PDCD11: variants seen among roughly 807,000 people sequenced by gnomAD.
PDCD11 encodes programmed cell death 11.
In PDCD11, 97 loss-of-function variants were observed where a neutral mutation model predicts 198.9. That is an observed-to-expected ratio of 0.49 (90% CI 0.41 to 0.58). PDCD11 has a LOEUF of 0.58. PDCD11 is among the 20% of genes least tolerant of loss of function. The pLI is 0.00. For synonymous variants in PDCD11, 893 were observed against 918.0 expected (o/e 0.97, Z 0.49); for missense variants, 2,102 against 2,312.7 (o/e 0.91, Z 1.87).
intron 2 of PDCD11, among the ~76,000 whole-genome samples, chr10:103,398,761 G>T (rs2093449902): frequency 6.6e-6 from 1 of 152,208 alleles, no homozygotes; most frequent in Non-Finnish European, 1.5e-5. Context: ...GCTCATGCCT[G>T]TAATCCCAGC....
At chr10:103,414,976 T>C (rs754088091) in intron 11 of PDCD11, 29 bp from the exon 12 acceptor site, 5 of 1,612,422 alleles carry the variant, frequency 3.1e-6, no homozygotes, top group Middle Eastern at 1.7e-4. Flanking sequence ...TCTTGAGACA[T>C]TGTGGCAGCT....
At chr10:103,423,495 C>T in intron 18 of PDCD11, 48 bp from the exon 19 acceptor site, 1 of 1,392,978 alleles carries the variant, frequency 7.2e-7, no homozygotes, top group Non-Finnish European at 1.0e-6. Context: ...GCTGCTCTCC[C>T]TTCACTCTGT....
Position 103,419,690 on chromosome 10 carries a change from C to A in PDCD11, c.2259C>A (p.Ser753Arg). 6.2e-7 allele frequency: 1 copy of A among 1,613,802 alleles called. No individual in the cohort carries two copies. The highest frequency in any genetic ancestry group is 8.5e-7 in the Non-Finnish European group (1 of 1,179,830). ...GVFIQFPSGL[S>R]GLAPKAIMSD... ...TCATCCAGTTCCCCTCAGGTCTTAGCGGACTGGCCCCAAAAGCTGTAAGTT... is the reference window on the plus strand; with the variant it reads ...TCATCCAGTTCCCCTCAGGTCTTAGAGGACTGGCCCCAAAAGCTGTAAGTT... The change falls in exon 16 of 36, where the codon AGC becomes AGA. Residue 753 changes from serine to arginine, a missense_variant. Physicochemically the swap from Ser to Arg is moderately radical, Grantham distance 110. Coordinates refer to ENST00000369797, the MANE Select transcript of PDCD11 (RefSeq NM_014976.2).
chr10:103,422,095 T>TTAC (rs1592129084), intron 17 of PDCD11, among the ~76,000 whole-genome samples: 1 of 144,822 alleles, frequency 6.9e-6, no homozygotes, highest in East Asian at 2.0e-4. Flanking sequence ...ATTATTATTA[T>TTAC]TATTGAGACC....
rs747417033 is a variant in PDCD11, at chr10:103,445,539, T to G, written c.5606T>G (p.Leu1869Arg). The change falls in exon 36 of 36, where the codon CTA becomes CGA. Residue 1869 changes from leucine to arginine, a missense_variant. Physicochemically the swap from Leu to Arg is moderately radical, Grantham distance 102. Transcript: ENST00000369797. Reference sequence around the variant, plus strand: ...TATGTGGAGGCCAAGAGCTCAGTGCTAGAGGACTAGTGGCAGGCTGGCTCT... The same window carrying G: ...TATGTGGAGGCCAAGAGCTCAGTGCGAGAGGACTAGTGGCAGGCTGGCTCT... ...LEYVEAKSSV[L>R]ED The G allele has an allele frequency of 6.2e-7, 1 of 1,613,384 alleles. No individual in the cohort carries two copies. The highest frequency in any genetic ancestry group is 8.5e-7 in the Non-Finnish European group (1 of 1,180,008).
chr10:103,434,402 T>C (rs1395535718), intron 24 of PDCD11, 52 bp downstream of exon 24: 1 of 1,172,002 alleles, frequency 8.5e-7, no homozygotes, highest in East Asian at 2.3e-5. Flanking sequence ...CAGGAAGGGG[T>C]GGGATGGGTT....
Position 103,443,184 on chromosome 10 carries a change from A to G in PDCD11, c.4975A>G (p.Asn1659Asp). The G allele has an allele frequency of 1.3e-6, 2 of 1,596,790 alleles. No individual in the cohort carries two copies. The highest frequency in any genetic ancestry group is 1.7e-6 in the Non-Finnish European group (2 of 1,168,322). The change falls in exon 33 of 36, where the codon AAC (asparagine) becomes GAC (aspartate). Residue 1659 changes from asparagine to aspartate, a missense_variant. Transcript: ENST00000369797. ...ISFREEQEKL[N>D]VWVALLNLEN... ...CTCCAGAGAGGAGCAGGAGAAGCTG[A>G]ACGTGTGGGTGGCTCTGCTGAACCT...
intron 16 of PDCD11, among the ~76,000 whole-genome samples, chr10:103,420,104 A>G (rs2031342990): frequency 6.6e-6 from 1 of 151,712 alleles, no homozygotes; most frequent in Non-Finnish European, 1.5e-5. Flanking sequence ...GGCCAAGGAT[A>G]CTTTACTCTT....
chr10:103,413,022 G>C, intron 8 of PDCD11, 94 bp from the exon 9 acceptor site: 1 of 896,494 alleles, frequency 1.1e-6, no homozygotes, highest in Non-Finnish European at 1.9e-6. Flanking sequence ...TCACATACCT[G>C]GTTAGCATGT....
Position 103,398,419 on chromosome 10 carries a change from A to T in PDCD11, c.-8A>T. 8.8e-6 allele frequency: 14 copies of T among 1,595,060 alleles called. No individual in the cohort carries two copies. The highest frequency in any genetic ancestry group is 1.0e-5 in the Non-Finnish European group (12 of 1,162,700). On this transcript the variant is annotated 5_prime_UTR_variant, in exon 2 of 36. Transcript: ENST00000369797. ...TTATCCTTTGCATTGTTTTTAGGAG[A>T]CCCAAACATGGCAAACCTGGAAGAA...
chr10:103,413,886 G>T, intron 9 of PDCD11, 80 bp from the exon 10 acceptor site: 1 of 1,363,270 alleles, frequency 7.3e-7, no homozygotes, highest in South Asian at 1.5e-5. Context: ...TAAGTGTTGA[G>T]TCCTCTCTAT....
At chr10:103,418,996 T>C (rs1269902690) in intron 15 of PDCD11, among the ~76,000 whole-genome samples, 6 of 150,992 alleles carry the variant, frequency 4.0e-5, no homozygotes, top group Admixed American at 6.6e-5. Context: ...TTTTTTTTTT[T>C]CCCCTATGCC....
At chr10:103,444,368 AC>A in intron 34 of PDCD11, 148 bp from the exon 35 acceptor site, 1 of 756,864 alleles carries the variant, frequency 1.3e-6, no homozygotes. Context: ...CCCCAAACCC[AC>A]CCCTTTTGGG....
intron 3 of PDCD11, among the ~76,000 whole-genome samples, chr10:103,401,613 AAAAAG>A (rs2030068099): frequency 6.6e-6 from 1 of 152,176 alleles, no homozygotes; most frequent in Non-Finnish European, 1.5e-5. Flanking sequence ...GTTAGTTATA[AAAAAG>A]AAAAGAAGTT....
chr10:103,406,918 A>G (rs772628491), intron 7 of PDCD11, 128 bp downstream of exon 7: 95 of 661,080 alleles, frequency 1.4e-4, no homozygotes, highest in Non-Finnish European at 2.3e-4. Flanking sequence ...TGAGCATTTC[A>G]AATGTGGCCA....
chr10:103,440,178 A>T, intron 28 of PDCD11, 112 bp from the exon 29 acceptor site: 1 of 1,463,032 alleles, frequency 6.8e-7, no homozygotes, highest in Non-Finnish European at 9.2e-7. Flanking sequence ...CCCAAGGCAG[A>T]TGGGGGCAGG....
chr10:103,414,325 G>T lies in PDCD11; in HGVS notation c.1366G>T (p.Val456Leu). ...TCATGACATCGAACCTGGGGCAGTG[G>T]TAAAGGTAAGACCTCAAGCATATAA... ...RYHDIEPGAV[V>L]KGTVLTIKSY... Residue 456 changes from valine (V) to leucine (L), a missense_variant, in exon 11 of 36, where the codon GTA (valine) becomes TTA (leucine). Physicochemically the swap from Val to Leu is conservative, Grantham distance 32. Coordinates refer to ENST00000369797, the MANE Select transcript of PDCD11 (RefSeq NM_014976.2). The T allele has an allele frequency of 6.2e-7, 1 of 1,612,078 alleles. No homozygotes were observed. The highest frequency in any genetic ancestry group is 1.1e-5 in the South Asian group (1 of 91,024).
At chr10:103,439,682 G>A (rs1301024439) in intron 27 of PDCD11, 64 bp from the exon 28 acceptor site, 2 of 1,603,308 alleles carry the variant, frequency 1.2e-6, no homozygotes, top group African/African-American at 2.7e-5. Flanking sequence ...GTGAAGTCCC[G>A]AGGCCTGGTT....
At chr10:103,420,437 C>A (rs1013253751) in intron 16 of PDCD11, among the ~76,000 whole-genome samples, 5 of 152,152 alleles carry the variant, frequency 3.3e-5, no homozygotes, top group Admixed American at 6.5e-5. Context: ...CCTCCCCCAC[C>A]CCCATGTCAT....
Sources: allele counts gnomAD v4.1 joint callset (sites outside exome capture counted in the v4.1 genomes callset), GRCh38; gene constraint gnomAD v4.1.1; transcripts MANE v1.5; gene names NCBI Gene and HGNC (gene_info 2026-07-23, HGNC 2026-07-21).